Variants in NELL1 observed in about 807,000 individuals in gnomAD.
NELL1 encodes the protein neural EGFL like 1.
NELL1 carries 76 observed loss-of-function variants against 107.4 expected under a neutral mutation model. That is an observed-to-expected ratio of 0.71 (90% confidence interval 0.59 to 0.86). The LOEUF (loss-of-function observed/expected upper bound fraction) is 0.86, where lower values mean the gene tolerates loss of function less well. NELL1 is among the 40% of genes least tolerant of loss of function. The pLI is 0.00. For synonymous variants in NELL1, 353 were observed against 341.2 expected, an observed-to-expected ratio of 1.03 and a Z score of -0.38; for missense variants, 1,024 against 1,005.5, an observed-to-expected ratio of 1.02 and a Z score of -0.25.
chr11:20,876,742 G>A (rs550680354), intron 4 of NELL1, among the ~76,000 whole-genome samples: 114 of 152,250 alleles, frequency 7.5e-4, no homozygotes, highest in Middle Eastern at 3.4e-3. Flanking sequence ...CAGCCTGGGG[G>A]ACAGAGGGAG....
chr11:20,994,131 C>T (rs551936581), intron 12 of NELL1, among the ~76,000 whole-genome samples: 11 of 152,252 alleles, frequency 7.2e-5, no homozygotes, highest in African/African-American at 2.6e-4. Context: ...TAAACAGGTT[C>T]AGGGCCTTAT....
chr11:21,359,758 A>AT (rs1851028590), intron 14 of NELL1, among the ~76,000 whole-genome samples: 1 of 152,012 alleles, frequency 6.6e-6, no homozygotes, highest in African/African-American at 2.4e-5. Context: ...TCTCCTCTAG[A>AT]TTTTTTAGTT....
At chr11:21,476,502 G>T (rs150654066) in intron 15 of NELL1, among the ~76,000 whole-genome samples, 1 of 152,042 alleles carries the variant, frequency 6.6e-6, no homozygotes, top group East Asian at 1.9e-4. Flanking sequence ...GATATCATGG[G>T]CACTGACTTT....
At chr11:20,893,485 T>C (rs193012528) in intron 5 of NELL1, among the ~76,000 whole-genome samples, 49 of 151,926 alleles carry the variant, frequency 3.2e-4, no homozygotes, top group Middle Eastern at 3.4e-3. Flanking sequence ...TGATTTCAAG[T>C]GTTCTAAGTG....
At chr11:21,241,595 T>C (rs774420969) in intron 14 of NELL1, among the ~76,000 whole-genome samples, 1 of 152,120 alleles carries the variant, frequency 6.6e-6, no homozygotes, top group Non-Finnish European at 1.5e-5. Flanking sequence ...TTACAAATAA[T>C]GTACAAGTGT....
chr11:21,094,460 G>A (rs1854593898), intron 12 of NELL1, among the ~76,000 whole-genome samples: 1 of 152,198 alleles, frequency 6.6e-6, no homozygotes, highest in South Asian at 2.1e-4. Context: ...AGCCCCACTA[G>A]GCAGTACCCC....
intron 15 of NELL1, among the ~76,000 whole-genome samples, chr11:21,456,445 A>G (rs1431014214): frequency 6.6e-6 from 1 of 151,954 alleles, no homozygotes; most frequent in Non-Finnish European, 1.5e-5. Context: ...TCTCTTAGGG[A>G]TCACTATCAT....
At chr11:21,252,733 A>G (rs556485703) in intron 14 of NELL1, among the ~76,000 whole-genome samples, 2 of 152,264 alleles carry the variant, frequency 1.3e-5, no homozygotes, top group Admixed American at 1.3e-4. Flanking sequence ...TATATGTTTA[A>G]TCTTTTAGTA....
chr11:20,771,035 G>A (rs1410993512), intron 2 of NELL1: 1 of 150,548 alleles, frequency 6.6e-6, no homozygotes, highest in East Asian at 2.0e-4. Flanking sequence ...TCTCTCCTTG[G>A]GCTCAACTGG....
intron 3 of NELL1, among the ~76,000 whole-genome samples, chr11:20,841,619 T>C (rs531219219): frequency 6.6e-6 from 1 of 152,250 alleles, no homozygotes; most frequent in African/African-American, 2.4e-5. Context: ...TTTAGTTCAA[T>C]AGTTTAAAAC....
intron 2 of NELL1, among the ~76,000 whole-genome samples, chr11:20,745,789 A>G (rs1299139557): frequency 6.6e-6 from 1 of 152,162 alleles, no homozygotes; most frequent in Non-Finnish European, 1.5e-5. Context: ...CAATGCCATA[A>G]TCTTCTAGAT....
At chr11:20,782,061 G>A (rs184600579) in intron 2 of NELL1, among the ~76,000 whole-genome samples, 1,517 of 151,186 alleles carry the variant, frequency 0.01, 11 homozygotes, top group Middle Eastern at 0.024. Context: ...AAATAATAAT[G>A]ATAATAAAAA....
intron 16 of NELL1, among the ~76,000 whole-genome samples, chr11:21,546,408 CATT>C (rs1856443900): frequency 6.6e-6 from 1 of 151,958 alleles, no homozygotes; most frequent in African/African-American, 2.4e-5. Context: ...CAGAGATCAT[CATT>C]GATATGGTTT....
intron 12 of NELL1, among the ~76,000 whole-genome samples, chr11:21,050,455 CAT>C (rs1222912370): frequency 1.3e-5 from 2 of 151,426 alleles, no homozygotes; most frequent in East Asian, 1.9e-4. Context: ...AATAAGGTGT[CAT>C]ATGAATGTTA....
At chr11:21,457,104 G>A (rs561660737) in intron 15 of NELL1, among the ~76,000 whole-genome samples, 1 of 152,240 alleles carries the variant, frequency 6.6e-6, no homozygotes. Context: ...AGTAGGAAGG[G>A]ATATGTAAGT....
chr11:20,710,976 GC>G (rs1330150041), intron 2 of NELL1, among the ~76,000 whole-genome samples: 3 of 151,826 alleles, frequency 2.0e-5, no homozygotes, highest in African/African-American at 7.3e-5. Context: ...CAAAGAATCA[GC>G]TTTTTGTTTT....
At chr11:20,783,992 T>G (rs1188602610) in intron 3 of NELL1, among the ~76,000 whole-genome samples, 162 bp downstream of exon 3, 1 of 152,226 alleles carries the variant, frequency 6.6e-6, no homozygotes, top group African/African-American at 2.4e-5. Context: ...AGAATTTACT[T>G]TGGTCAAAGT....
intron 15 of NELL1, among the ~76,000 whole-genome samples, chr11:21,414,129 A>G (rs1852443838): frequency 6.6e-6 from 1 of 152,064 alleles, no homozygotes; most frequent in South Asian, 2.1e-4. Context: ...TACATGTCTA[A>G]TGAGCTTGAT....
intron 5 of NELL1, among the ~76,000 whole-genome samples, chr11:20,907,601 T>C (rs1850030230): frequency 6.6e-6 from 1 of 152,114 alleles, no homozygotes; most frequent in East Asian, 1.9e-4. Context: ...TAAGTGTTGG[T>C]GAGGTTGTGG....
Sources: gnomAD v4.1 joint callset for allele counts (sites outside exome capture counted in the v4.1 genomes callset) on GRCh38, gnomAD v4.1.1 for gene constraint, MANE v1.5 for transcripts, NCBI Gene and HGNC (gene_info 2026-07-23, HGNC 2026-07-21) for gene names.